The following ZCCHC7 variants were observed in gnomAD, a reference collection of about 807,000 sequenced individuals.
ZCCHC7 encodes the protein zinc finger CCHC-type containing 7, also known as zinc finger CCHC domain-containing protein 7.
Under a neutral mutation model 52.0 loss-of-function variants are expected in ZCCHC7, and 35 were observed. The ratio of observed to expected loss-of-function variants is 0.67; its 90% CI spans 0.51 to 0.89. ZCCHC7 has a LOEUF of 0.89. Among genes scored for constraint, ZCCHC7 ranks in the 40% least tolerant of loss-of-function variants. The pLI is 0.00. For synonymous variants in ZCCHC7, 217 were observed against 221.5 expected, an observed-to-expected ratio of 0.98 and a Z score of 0.18; for missense variants, 574 against 649.1, an observed-to-expected ratio of 0.88 and a Z score of 1.26.
At chr9:37,314,707 T>G (rs1441357057) in intron 5 of ZCCHC7, among the ~76,000 whole-genome samples, 1 of 147,944 alleles carries the variant, frequency 6.8e-6, no homozygotes, top group Non-Finnish European at 1.5e-5. Flanking sequence ...AGCAAAGGAG[T>G]TCAAGTCCAA....
intron 2 of ZCCHC7, among the ~76,000 whole-genome samples, chr9:37,257,702 C>T (rs568672315): frequency 1.1e-4 from 16 of 151,820 alleles, no homozygotes; most frequent in African/African-American, 3.9e-4. Flanking sequence ...TTGAGGCTCT[C>T]AATTTTTAAG....
intron 2 of ZCCHC7, chr9:37,205,445 G>A (rs1823853438): frequency 1.3e-5 from 2 of 154,384 alleles, no homozygotes; most frequent in South Asian, 2.0e-4. Flanking sequence ...ACACTTTAAA[G>A]TGACTACATA....
intron 2 of ZCCHC7, among the ~76,000 whole-genome samples, chr9:37,220,856 T>C (rs751156913): frequency 7.2e-5 from 11 of 152,152 alleles, no homozygotes; most frequent in Non-Finnish European, 1.2e-4. Context: ...AAAGATACAG[T>C]GATAAAGCTC....
At chr9:37,336,943 G>A (rs1830693428) in intron 6 of ZCCHC7, among the ~76,000 whole-genome samples, 2 of 152,158 alleles carry the variant, frequency 1.3e-5, no homozygotes, top group East Asian at 3.9e-4. Flanking sequence ...CCAAACAGTG[G>A]TAAGATACCC....
At chr9:37,222,374 TG>T (rs1588505593) in intron 2 of ZCCHC7, among the ~76,000 whole-genome samples, 4 of 142,984 alleles carry the variant, frequency 2.8e-5, no homozygotes, top group South Asian at 2.3e-4. Context: ...TGTGTGTGTG[TG>T]TGTTTTCAAG....
At position 37,345,916 on chromosome 9, in the gene ZCCHC7, T is replaced by C. The variant is rs112539154; in HGVS notation, c.988-3441T>C. On this transcript the variant is annotated intron_variant, in intron 6 of 8. Coordinates refer to ENST00000336755, the MANE Select transcript of ZCCHC7 (RefSeq NM_032226.3). ...TTATTGTTTTGCTACAGTTTTTCAT[T>C]TTAGGGAATAAGAGCTGAAAGTAAA... Among the ~76,000 whole-genome samples the C allele has an allele frequency of 4.6e-5, 7 of 152,306 alleles. 1 individual carries two copies. The highest frequency in any genetic ancestry group is 1.7e-4 in the African/African-American group (7 of 41,574).
chr9:37,135,002 C>T (rs1295475317), intron 2 of ZCCHC7, among the ~76,000 whole-genome samples: 2 of 152,198 alleles, frequency 1.3e-5, no homozygotes, highest in African/African-American at 4.8e-5. Flanking sequence ...GCTAGGATTA[C>T]AGGCATGAGC....
intron 2 of ZCCHC7, among the ~76,000 whole-genome samples, chr9:37,228,800 C>T (rs1416232385): frequency 1.3e-5 from 2 of 149,798 alleles, no homozygotes; most frequent in South Asian, 2.1e-4. Flanking sequence ...TACCCAATCA[C>T]GATAGTTCAA....
chr9:37,335,501 G>C (rs1830610234), intron 6 of ZCCHC7, among the ~76,000 whole-genome samples: 1 of 152,134 alleles, frequency 6.6e-6, no homozygotes, highest in Non-Finnish European at 1.5e-5. Flanking sequence ...ATTTTGTTAA[G>C]TATACGATGA....
chr9:37,264,683 G>T (rs1268343837), intron 2 of ZCCHC7, among the ~76,000 whole-genome samples: 1 of 152,028 alleles, frequency 6.6e-6, no homozygotes, highest in Non-Finnish European at 1.5e-5. Flanking sequence ...ATTGGTTTTG[G>T]ATATATTTCC....
chr9:37,156,835 T>A (rs1050265324), intron 2 of ZCCHC7, among the ~76,000 whole-genome samples: 1 of 152,154 alleles, frequency 6.6e-6, no homozygotes, highest in African/African-American at 2.4e-5. Flanking sequence ...TATTTACCCT[T>A]GTTACCAATG....
intron 2 of ZCCHC7, among the ~76,000 whole-genome samples, chr9:37,198,895 ATGAT>A (rs1336552105): frequency 3.3e-5 from 5 of 152,180 alleles, no homozygotes; most frequent in African/African-American, 1.2e-4. Flanking sequence ...GAATTAATTG[ATGAT>A]TGACCCTTGG....
intron 2 of ZCCHC7, among the ~76,000 whole-genome samples, chr9:37,291,981 C>G (rs1313593112): frequency 6.6e-6 from 1 of 152,202 alleles, no homozygotes; most frequent in Non-Finnish European, 1.5e-5. Context: ...GCGTGAGCCA[C>G]TGCGCCTGGC....
At chr9:37,143,515 A>G (rs1843316965) in intron 2 of ZCCHC7, among the ~76,000 whole-genome samples, 1 of 151,496 alleles carries the variant, frequency 6.6e-6, no homozygotes, top group African/African-American at 2.4e-5. Flanking sequence ...TAGTTCCTGA[A>G]AAATAATATT....
chr9:37,263,277 G>C (rs1028819600), intron 2 of ZCCHC7, among the ~76,000 whole-genome samples: 1 of 151,884 alleles, frequency 6.6e-6, no homozygotes, highest in Non-Finnish European at 1.5e-5. Flanking sequence ...GTTGAAAGTA[G>C]CAGTTTATCC....
At chr9:37,352,760 G>A (rs1821469097) in intron 7 of ZCCHC7, among the ~76,000 whole-genome samples, 1 of 150,600 alleles carries the variant, frequency 6.6e-6, no homozygotes, top group Admixed American at 6.6e-5. Context: ...CCTGACCTCA[G>A]GTGATCCACC....
At chr9:37,201,601 C>G (rs562753232) in intron 2 of ZCCHC7, among the ~76,000 whole-genome samples, 1 of 152,176 alleles carries the variant, frequency 6.6e-6, no homozygotes. Flanking sequence ...GAAGCAAAAT[C>G]TGACTGGAGA....
chr9:37,169,072 T>C (rs376782758), intron 2 of ZCCHC7, among the ~76,000 whole-genome samples: 3 of 152,214 alleles, frequency 2.0e-5, no homozygotes, highest in Admixed American at 6.5e-5. Context: ...GTTACTGATA[T>C]TGTGTTAAGC....
intron 2 of ZCCHC7, among the ~76,000 whole-genome samples, chr9:37,157,872 A>G (rs1820898287): frequency 6.6e-6 from 1 of 152,242 alleles, no homozygotes; most frequent in African/African-American, 2.4e-5. Context: ...TGTTACAGGA[A>G]ACAGTATGGA....
Sources: allele counts gnomAD v4.1 joint callset (sites outside exome capture counted in the v4.1 genomes callset), GRCh38; gene constraint gnomAD v4.1.1; transcripts MANE v1.5; gene names NCBI Gene and HGNC (gene_info 2026-07-23, HGNC 2026-07-21).